NAALADL2: variants seen among roughly 807,000 people sequenced by gnomAD.
NAALADL2 encodes the protein inactive N-acetylated-alpha-linked acidic dipeptidase-like protein 2.
NAALADL2 carries 76 observed loss-of-function variants against 87.2 expected under a neutral mutation model. The ratio of observed to expected loss-of-function variants is 0.87; its 90% confidence interval spans 0.72 to 1.05. The LOEUF is 1.05. NAALADL2 is among the 50% of genes least tolerant of loss of function. The probability of loss-of-function intolerance (pLI) is 0.00; values close to 1 mark genes in which losing one functional copy is unlikely to be tolerated. For synonymous variants in NAALADL2, 354 were observed against 331.0 expected, an observed-to-expected ratio of 1.07 and a Z score of -0.75; for missense variants, 1,089 against 945.8, an observed-to-expected ratio of 1.15 and a Z score of -1.99.
At position 174,947,151 on chromosome 3, in the gene NAALADL2, T is replaced by C. The variant is rs1208078244; in HGVS notation, c.43+87701T>C. ...ATCTCTAGGAGGGTCAAATGTATAA[T>C]TTTGCTGCCACATGATACTGATTTT... On this transcript the variant is annotated intron_variant, in intron 1 of 13. Transcript: ENST00000454872. Among the ~76,000 whole-genome samples, 3 of 152,300 alleles carry C rather than the reference T, an allele frequency of 2.0e-5. No homozygotes were observed. In the East Asian group the frequency reaches 5.8e-4, roughly 29 times the overall value.
At chr3:175,726,339 T>C (rs892003635) in intron 11 of NAALADL2, among the ~76,000 whole-genome samples, 18 of 151,844 alleles carry the variant, frequency 1.2e-4, no homozygotes, top group African/African-American at 3.9e-4. Flanking sequence ...ATTTTAGTAA[T>C]AGATTTGCAA....
At chr3:174,769,560 C>G (rs1403639560) in intron 3 of NAALADL2, among the ~76,000 whole-genome samples, 1 of 151,544 alleles carries the variant, frequency 6.6e-6, no homozygotes, top group Non-Finnish European at 1.5e-5. Context: ...AGTATTAGAA[C>G]ATTCTAAATT....
chr3:175,769,100 C>A (rs542084721), intron 13 of NAALADL2, among the ~76,000 whole-genome samples: 3 of 152,158 alleles, frequency 2.0e-5, no homozygotes, highest in African/African-American at 7.2e-5. Context: ...ATCTTACTAC[C>A]TTTCTTACCT....
intron 5 of NAALADL2, among the ~76,000 whole-genome samples, chr3:175,404,860 A>G (rs547736905): frequency 6.6e-6 from 1 of 152,312 alleles, no homozygotes; most frequent in Admixed American, 6.5e-5. Context: ...ATTTCTGGGA[A>G]CATTATATTT....
intron 5 of NAALADL2, among the ~76,000 whole-genome samples, chr3:175,420,549 T>C (rs1715521155): frequency 6.6e-6 from 1 of 151,982 alleles, no homozygotes; most frequent in South Asian, 2.1e-4. Flanking sequence ...ATTTGAAAAC[T>C]TTTTTCTGTT....
At chr3:174,962,383 T>TAGAC (rs1326568360) in intron 1 of NAALADL2, among the ~76,000 whole-genome samples, 8 of 116,932 alleles carry the variant, frequency 6.8e-5, no homozygotes, top group African/African-American at 3.3e-4. Flanking sequence ...TATATATATA[T>TAGAC]ATATATATAT....
chr3:175,463,095 T>C (rs57929088), intron 6 of NAALADL2, among the ~76,000 whole-genome samples: 1 of 152,102 alleles, frequency 6.6e-6, no homozygotes, highest in Non-Finnish European at 1.5e-5. Flanking sequence ...GAAGGTCTTC[T>C]CAATGCTCTC....
At chr3:175,516,846 T>G (rs1731909863) in intron 9 of NAALADL2, among the ~76,000 whole-genome samples, 1 of 152,196 alleles carries the variant, frequency 6.6e-6, no homozygotes, top group Non-Finnish European at 1.5e-5. Context: ...TAGTGTCACT[T>G]CTGTTAACTC....
chr3:175,212,883 A>C (rs961566095), intron 2 of NAALADL2, among the ~76,000 whole-genome samples: 2 of 152,156 alleles, frequency 1.3e-5, no homozygotes, highest in African/African-American at 4.8e-5. Context: ...CCAGATGCCA[A>C]GTTATTTGCA....
chr3:175,485,356 T>C (rs1257868026), intron 9 of NAALADL2, among the ~76,000 whole-genome samples: 2 of 152,012 alleles, frequency 1.3e-5, no homozygotes, highest in East Asian at 1.9e-4. Context: ...GATATACATA[T>C]ATAGGAAAGG....
intron 2 of NAALADL2, among the ~76,000 whole-genome samples, chr3:174,714,780 A>G (rs1731020620): frequency 6.6e-6 from 1 of 152,108 alleles, no homozygotes; most frequent in African/African-American, 2.4e-5. Flanking sequence ...CTAATTGAAT[A>G]TCCTTTATTT....
intron 6 of NAALADL2, among the ~76,000 whole-genome samples, chr3:175,447,756 T>C (rs1263341075): frequency 6.6e-6 from 1 of 152,208 alleles, no homozygotes; most frequent in South Asian, 2.1e-4. Context: ...AGTCTTTTAG[T>C]ATAAAGCATT....
rs764317937 is a variant in NAALADL2 at position 175,463,411 on chromosome 3, C to T, written c.1245C>T (p.Val415=). Residue 415 remains valine (V), a synonymous_variant, in exon 7 of 14, where the codon GTC becomes GTT. Coordinates refer to ENST00000454872, the MANE Select transcript of NAALADL2 (RefSeq NM_207015.3). ...SLELPNNEIR[V]VSMQVQTVTK... ...TTTTTATTTTTTCAGAAATAAGAGT[C>T]GTCAGCATGCAAGTTCAGACAGTCA... The T allele has an allele frequency of 2.3e-5, 37 of 1,579,084 alleles. No individual in the cohort carries two copies. The highest frequency in any genetic ancestry group is 3.6e-5 in the South Asian group (3 of 83,818).
chr3:174,830,178 T>C (rs1246952900), intron 3 of NAALADL2, among the ~76,000 whole-genome samples: 1 of 138,142 alleles, frequency 7.2e-6, no homozygotes, highest in Non-Finnish European at 1.6e-5. Flanking sequence ...GTTTTAGACA[T>C]GAAGTCCTTG....
rs577479882 is a variant in NAALADL2 at position 174,930,683 on chromosome 3, G to A, written c.43+71233G>A. On this transcript the variant is annotated intron_variant, in intron 1 of 13. Coordinates refer to ENST00000454872, the MANE Select transcript of NAALADL2 (RefSeq NM_207015.3). ...GTGACCCAGGCTGGAGTCCAGTGGCGCGATCTCGGCTCACTGCAAGCTCTG... is the reference window on the plus strand; with the variant it reads ...GTGACCCAGGCTGGAGTCCAGTGGCACGATCTCGGCTCACTGCAAGCTCTG... 1.6e-4 allele frequency among the ~76,000 whole-genome samples: 22 copies of A among 135,524 alleles called. No individual in the cohort carries two copies. In the South Asian group the frequency reaches 3.0e-3, roughly 18 times the overall value. 88.9% of individuals were successfully genotyped at this position (135,524 alleles called of 152,430 possible). A position where few individuals can be genotyped will look rare whatever the true frequency, so the allele number is the denominator to read the frequency against.
intron 2 of NAALADL2, among the ~76,000 whole-genome samples, chr3:174,708,965 G>C (rs1368245805): frequency 6.6e-6 from 1 of 151,982 alleles, no homozygotes; most frequent in South Asian, 2.1e-4. Context: ...CATTATAGTG[G>C]AGAAGACCTA....
chr3:175,241,581 GA>G (rs752334860), intron 3 of NAALADL2, among the ~76,000 whole-genome samples: 1 of 152,090 alleles, frequency 6.6e-6, no homozygotes, highest in Non-Finnish European at 1.5e-5. Context: ...ACATATTTAA[GA>G]AGATATATAT....
In NAALADL2 at chr3:175,276,628, C is replaced by T. The variant is rs538821010; in HGVS notation, c.939+20098C>T. Among the ~76,000 whole-genome samples, 11 of 152,228 alleles carry T rather than the reference C, an allele frequency of 7.2e-5. No homozygotes were observed. In the South Asian group the frequency reaches 2.3e-3, roughly 32 times the overall value. ...TGCAAATGTATTTCTAACCCCATAG[C>T]TTTCAGCAGCTTATGGCAAGAAAGT... On this transcript the variant is annotated intron_variant, in intron 4 of 13. Transcript: ENST00000454872.
intron 2 of NAALADL2, among the ~76,000 whole-genome samples, chr3:174,574,553 GAATAAC>G (rs1400792474): frequency 6.6e-6 from 1 of 151,938 alleles, no homozygotes; most frequent in Non-Finnish European, 1.5e-5. Context: ...GCAATTATCT[GAATAAC>G]AATTTTTAAG....
Sources: allele counts gnomAD v4.1 joint callset (sites outside exome capture counted in the v4.1 genomes callset), GRCh38; gene constraint gnomAD v4.1.1; transcripts MANE v1.5; gene names NCBI Gene and HGNC (gene_info 2026-07-23, HGNC 2026-07-21).